SCHIP1: variants seen among roughly 807,000 people sequenced by gnomAD.
SCHIP1 encodes schwannomin interacting protein 1, also known as schwannomin-interacting protein 1.
SCHIP1 carries 8 observed loss-of-function variants against 29.7 expected under a neutral mutation model. The observed-to-expected ratio is 0.27, with a 90% CI of 0.16 to 0.49. The LOEUF is 0.49. Among genes scored for constraint, SCHIP1 ranks in the 20% least tolerant of loss-of-function variants. The probability of loss-of-function intolerance (pLI) is 0.99; values close to 1 mark genes in which losing one functional copy is unlikely to be tolerated. For synonymous variants in SCHIP1, 76 were observed against 94.9 expected, an observed-to-expected ratio of 0.80 and a Z score of 1.16; for missense variants, 193 against 294.6, an observed-to-expected ratio of 0.66 and a Z score of 2.52.
the SCHIP1 span, among the ~76,000 whole-genome samples, chr3:159,458,855 A>T: frequency 6.6e-6 from 1 of 152,190 alleles, no homozygotes; most frequent in Non-Finnish European, 1.5e-5. Flanking sequence ...AAAAAACAAA[A>T]TCCTAAGGGA....
chr3:159,693,695 T>A, the SCHIP1 span, among the ~76,000 whole-genome samples: 3 of 152,232 alleles, frequency 2.0e-5, no homozygotes, highest in Non-Finnish European at 4.4e-5. Context: ...GCATTTACTT[T>A]GTACACCTGC....
the SCHIP1 span, among the ~76,000 whole-genome samples, chr3:159,305,588 C>T: frequency 4.6e-5 from 7 of 152,244 alleles, no homozygotes; most frequent in South Asian, 1.5e-3. Context: ...CTTTCATTTC[C>T]ACTGGTTCCT....
chr3:159,397,216 A>G, the SCHIP1 span, among the ~76,000 whole-genome samples: 1 of 151,648 alleles, frequency 6.6e-6, no homozygotes, highest in South Asian at 2.1e-4. Context: ...CTAGTTATAC[A>G]TTCTTCTAAT....
chr3:159,626,086 TTATATAGA>T, the SCHIP1 span, among the ~76,000 whole-genome samples: 11 of 103,624 alleles, frequency 1.1e-4, 1 homozygote, highest in South Asian at 3.1e-4. Context: ...AGAGTGCAGC[TTATATAGA>T]TAGATAGATA....
chr3:159,549,185 A>T, the SCHIP1 span, among the ~76,000 whole-genome samples: 3 of 152,148 alleles, frequency 2.0e-5, no homozygotes, highest in Non-Finnish European at 4.4e-5. Flanking sequence ...TTGGACCAAG[A>T]TTATACATAG....
At chr3:159,404,711 C>T in the SCHIP1 span, among the ~76,000 whole-genome samples, 2 of 152,228 alleles carry the variant, frequency 1.3e-5, no homozygotes, top group Admixed American at 1.3e-4. Flanking sequence ...AGCAGGATCT[C>T]ACCTCTCTGA....
chr3:159,405,499 G>A, the SCHIP1 span, among the ~76,000 whole-genome samples: 2 of 152,166 alleles, frequency 1.3e-5, no homozygotes, highest in Non-Finnish European at 2.9e-5. Context: ...AAATACAATT[G>A]ACATACTGAA....
At chr3:159,372,936 C>G in the SCHIP1 span, among the ~76,000 whole-genome samples, 6 of 152,132 alleles carry the variant, frequency 3.9e-5, no homozygotes, top group East Asian at 1.2e-3. Context: ...TACCACATAT[C>G]TTTTATAGAA....
chr3:159,507,186 C>T, the SCHIP1 span, among the ~76,000 whole-genome samples: 1 of 152,058 alleles, frequency 6.6e-6, no homozygotes, highest in Non-Finnish European at 1.5e-5. Context: ...CCTTCACATC[C>T]CTTGTAAGTT....
chr3:159,717,938 T>A, the SCHIP1 span, among the ~76,000 whole-genome samples: 3 of 152,138 alleles, frequency 2.0e-5, no homozygotes, highest in Non-Finnish European at 4.4e-5. Context: ...AAAAGAGAAT[T>A]TTAGACCAAT....
the SCHIP1 span, among the ~76,000 whole-genome samples, chr3:159,481,096 T>G: frequency 2.2e-3 from 329 of 152,288 alleles, 1 homozygote; most frequent in Middle Eastern, 0.031. Flanking sequence ...TCACTTCTTT[T>G]GTGATTCTTC....
In SCHIP1 at chr3:159,891,366, G is replaced by A. The variant is rs201786238; in HGVS notation, c.590-731G>A. ...AGCCTGGGCGGCAGAGTGAGATTCC[G>A]TTTCAAAAAAAGAAAAAGGAAGGAA... On this transcript the variant is annotated intron_variant, in intron 5 of 6. Coordinates refer to ENST00000445224, the Ensembl canonical transcript of SCHIP1. Among the ~76,000 whole-genome samples, 25 of 149,484 alleles carry A rather than the reference G, an allele frequency of 1.7e-4. No homozygotes were observed. In the South Asian group the frequency reaches 3.8e-3, roughly 23 times the overall value.
the SCHIP1 span, among the ~76,000 whole-genome samples, chr3:159,741,634 G>A: frequency 3.3e-5 from 5 of 152,172 alleles, no homozygotes; most frequent in Non-Finnish European, 5.9e-5. Context: ...TAACCATCAA[G>A]GCCTCATTAG....
At chr3:159,535,147 C>T in the SCHIP1 span, among the ~76,000 whole-genome samples, 1 of 152,116 alleles carries the variant, frequency 6.6e-6, no homozygotes, top group Non-Finnish European at 1.5e-5. Context: ...CAGATAATGA[C>T]AGCATAGTAT....
chr3:159,743,299 G>A, the SCHIP1 span, among the ~76,000 whole-genome samples: 1 of 152,126 alleles, frequency 6.6e-6, no homozygotes, highest in Non-Finnish European at 1.5e-5. Context: ...AAAATAAAGA[G>A]CCTGCCAAAA....
the SCHIP1 span, among the ~76,000 whole-genome samples, chr3:159,546,163 T>C: frequency 6.6e-6 from 1 of 152,150 alleles, no homozygotes; most frequent in Non-Finnish European, 1.5e-5. Flanking sequence ...ACAACCATAT[T>C]ATCTGTGAAT....
chr3:159,717,632 G>T, the SCHIP1 span, among the ~76,000 whole-genome samples: 1 of 152,148 alleles, frequency 6.6e-6, no homozygotes, highest in African/African-American at 2.4e-5. Context: ...AAATCCAGAA[G>T]AAATGGGTAA....
chr3:159,697,381 G>A, the SCHIP1 span, among the ~76,000 whole-genome samples: 1 of 152,138 alleles, frequency 6.6e-6, no homozygotes, highest in Non-Finnish European at 1.5e-5. Context: ...GATAAGCTCA[G>A]TGGACACAAT....
At chr3:159,427,872 G>A in the SCHIP1 span, among the ~76,000 whole-genome samples, 1 of 151,926 alleles carries the variant, frequency 6.6e-6, no homozygotes, top group East Asian at 1.9e-4. Flanking sequence ...ACAGAACAGA[G>A]CCCTCAGAAA....
Sources: gnomAD v4.1 joint callset for allele counts (sites outside exome capture counted in the v4.1 genomes callset) on GRCh38, gnomAD v4.1.1 for gene constraint, MANE v1.5 for transcripts, NCBI Gene and HGNC (gene_info 2026-07-23, HGNC 2026-07-21) for gene names.